Variants in EDIL3 observed in about 807,000 individuals in gnomAD.
EDIL3 encodes EGF-like repeat and discoidin I-like domain-containing protein 3.
In EDIL3, 37 loss-of-function variants were observed where a neutral mutation model predicts 67.4. The observed-to-expected ratio is 0.55, with a 90% CI of 0.42 to 0.72. The LOEUF (loss-of-function observed/expected upper bound fraction) is 0.72. EDIL3 is among the 30% of genes least tolerant of loss of function. The probability of loss-of-function intolerance (pLI) is 0.00; values close to 1 mark genes in which losing one functional copy is unlikely to be tolerated. For missense variants in EDIL3, 527 were observed against 586.3 expected (o/e 0.90, Z 1.04); for synonymous variants, 195 against 196.3 (o/e 0.99, Z 0.05).
chr5:83,957,791 C>T (rs542885557), intron 10 of EDIL3, among the ~76,000 whole-genome samples: 5 of 151,666 alleles, frequency 3.3e-5, no homozygotes, highest in East Asian at 2.0e-4. Context: ...CCCAAATAAA[C>T]GGATTAAATC....
chr5:84,181,923 A>T (rs1749020634), intron 3 of EDIL3, among the ~76,000 whole-genome samples: 1 of 152,174 alleles, frequency 6.6e-6, no homozygotes, highest in South Asian at 2.1e-4. Flanking sequence ...GGGTAATTAA[A>T]CTAAGTATCT....
intron 9 of EDIL3, among the ~76,000 whole-genome samples, chr5:84,052,551 A>G (rs1746360463): frequency 6.6e-6 from 1 of 152,164 alleles, no homozygotes; most frequent in African/African-American, 2.4e-5. Context: ...AGTGTGCTGT[A>G]TTCAGGAAAC....
At chr5:83,948,842 C>G (rs904799581) in intron 10 of EDIL3, among the ~76,000 whole-genome samples, 1 of 151,678 alleles carries the variant, frequency 6.6e-6, no homozygotes, top group South Asian at 2.1e-4. Context: ...CATCCTGAAA[C>G]CATTTCATGA....
At chr5:84,208,654 C>A (rs1415779836) in intron 3 of EDIL3, among the ~76,000 whole-genome samples, 2 of 127,786 alleles carry the variant, frequency 1.6e-5, no homozygotes, top group Non-Finnish European at 3.1e-5. Flanking sequence ...AGTCCGCAGT[C>A]CGGCCTGGGC....
At chr5:84,017,474 A>G (rs1190280774) in intron 9 of EDIL3, among the ~76,000 whole-genome samples, 1 of 152,210 alleles carries the variant, frequency 6.6e-6, no homozygotes, top group Non-Finnish European at 1.5e-5. Flanking sequence ...TTCATGAGCA[A>G]ATATAATTAT....
intron 5 of EDIL3, among the ~76,000 whole-genome samples, chr5:84,123,004 A>G (rs932326313): frequency 6.6e-6 from 1 of 151,926 alleles, no homozygotes; most frequent in African/African-American, 2.4e-5. Flanking sequence ...GAACATGGTG[A>G]ACTGCCTACC....
chr5:84,141,743 T>C (rs1439010215), intron 4 of EDIL3, among the ~76,000 whole-genome samples: 1 of 149,182 alleles, frequency 6.7e-6, no homozygotes, highest in Non-Finnish European at 1.5e-5. Context: ...TGATTTTATA[T>C]GCATAACTCA....
At chr5:84,245,592 G>A (rs1159661886) in intron 2 of EDIL3, among the ~76,000 whole-genome samples, 9 of 152,096 alleles carry the variant, frequency 5.9e-5, no homozygotes, top group African/African-American at 2.2e-4. Context: ...AATCAATGAA[G>A]AAGATGAAAT....
intron 1 of EDIL3, among the ~76,000 whole-genome samples, chr5:84,298,364 A>G (rs1307874328): frequency 6.6e-6 from 1 of 152,134 alleles, no homozygotes; most frequent in Non-Finnish European, 1.5e-5. Flanking sequence ...ATCCTCAGCA[A>G]ACTACCACAG....
chr5:84,302,138 T>C (rs1746174859), intron 1 of EDIL3, among the ~76,000 whole-genome samples: 1 of 152,218 alleles, frequency 6.6e-6, no homozygotes, highest in African/African-American at 2.4e-5. Flanking sequence ...ACCTTACTGG[T>C]AATGCCTTGA....
intron 1 of EDIL3, 109 bp downstream of exon 1, chr5:84,384,199 C>T (rs1056795567): frequency 3.7e-5 from 51 of 1,388,648 alleles, no homozygotes; most frequent in Non-Finnish European, 4.7e-5. Context: ...GCCAGCGGCG[C>T]TCGCCACCCT....
intron 1 of EDIL3, among the ~76,000 whole-genome samples, chr5:84,320,692 A>C (rs897506546): frequency 2.7e-5 from 4 of 150,536 alleles, no homozygotes; most frequent in African/African-American, 4.9e-5. Flanking sequence ...CCATACAGAT[A>C]GTATAAGAAG....
chr5:84,059,979 C>T (rs1022806562), intron 9 of EDIL3, among the ~76,000 whole-genome samples: 4 of 151,990 alleles, frequency 2.6e-5, no homozygotes, highest in African/African-American at 9.7e-5. Flanking sequence ...CTTTCAAAGC[C>T]AATATTAATA....
intron 2 of EDIL3, among the ~76,000 whole-genome samples, chr5:84,245,975 T>C (rs1471509825): frequency 6.6e-6 from 1 of 151,664 alleles, no homozygotes. Context: ...TTACTCCTTA[T>C]AAAAATAATT....
intron 5 of EDIL3, among the ~76,000 whole-genome samples, chr5:84,111,942 C>T (rs1238676036): frequency 2.6e-5 from 4 of 151,790 alleles, no homozygotes; most frequent in Non-Finnish European, 5.9e-5. Flanking sequence ...GAATGATTCC[C>T]GGAAAAGAAT....
chr5:84,346,884 A>G (rs1167838094), intron 1 of EDIL3, among the ~76,000 whole-genome samples: 1 of 152,186 alleles, frequency 6.6e-6, no homozygotes, highest in Non-Finnish European at 1.5e-5. Flanking sequence ...CTGAGACTCA[A>G]TCCTGATGGC....
At chr5:84,135,282 C>A (rs531821475) in intron 5 of EDIL3, among the ~76,000 whole-genome samples, 34 of 152,254 alleles carry the variant, frequency 2.2e-4, no homozygotes, top group African/African-American at 8.2e-4. Flanking sequence ...GCTTCTCCCC[C>A]GCAATTGTTC....
chr5:84,338,308 G>A (rs1163382453), intron 1 of EDIL3, among the ~76,000 whole-genome samples: 1 of 152,114 alleles, frequency 6.6e-6, no homozygotes, highest in African/African-American at 2.4e-5. Flanking sequence ...GATATGAGCA[G>A]GGATCTTAAA....
intron 3 of EDIL3, among the ~76,000 whole-genome samples, chr5:84,184,139 AAAC>A (rs1004842661): frequency 4.6e-4 from 70 of 152,266 alleles, no homozygotes; most frequent in African/African-American, 1.5e-3. Flanking sequence ...CAACAACAAA[AAAC>A]AACAAGTGAT....
Sources: gnomAD v4.1 joint callset for allele counts (sites outside exome capture counted in the v4.1 genomes callset) on GRCh38, gnomAD v4.1.1 for gene constraint, MANE v1.5 for transcripts, NCBI Gene and HGNC (gene_info 2026-07-23, HGNC 2026-07-21) for gene names.